The following CCNH variants were observed in gnomAD, a reference collection of about 807,000 sequenced individuals.
CCNH encodes cyclin-H.
CCNH carries 31 observed loss-of-function variants against 41.9 expected under a neutral mutation model. The ratio of observed to expected loss-of-function variants is 0.74; its 90% confidence interval spans 0.56 to 1.00. The LOEUF (loss-of-function observed/expected upper bound fraction) is 1.00, where lower values mean the gene tolerates loss of function less well. Among genes scored for constraint, CCNH ranks in the 50% least tolerant of loss-of-function variants. The pLI, the probability that CCNH is intolerant of heterozygous loss-of-function variation, is 0.00. For missense variants in CCNH, 362 were observed against 388.4 expected, an observed-to-expected ratio of 0.93 and a Z score of 0.57; for synonymous variants, 138 against 136.1, an observed-to-expected ratio of 1.01 and a Z score of -0.10.
chr5:87,375,046 T>A (rs1761228264), downstream of CCNH: 2 of 1,220,072 alleles, frequency 1.6e-6, no homozygotes, highest in African/African-American at 3.1e-5. Context: ...GATAGTTTCT[T>A]TCTGTACTTC....
At chr5:87,317,845 A>G (rs572555528), downstream of CCNH, among the ~76,000 whole-genome samples, 17 of 152,214 alleles carry the variant, frequency 1.1e-4, no homozygotes, top group African/African-American at 4.1e-4. Flanking sequence ...CATGTTGCCC[A>G]GGCTGGTCTT....
At position 87,332,487 on chromosome 5, in the gene CCNH, A is replaced by G. The variant is rs992950713; in HGVS notation, c.*91-13590T>C. On this transcript the variant is annotated intron_variant and NMD_transcript_variant, in intron 9 of 9. Transcript: ENST00000645953. ...GGCTGTAAAGATTTTTTTATACTGT[A>G]TTTTTTCCTGTTCAAATAGGATTAT... 7.5e-6 allele frequency: 12 copies of G among 1,597,016 alleles called. No homozygotes were observed. The highest frequency in any genetic ancestry group is 9.4e-6 in the Non-Finnish European group (11 of 1,166,744).
chr5:87,344,937 A>T (rs1166864499), intron 9 of CCNH, among the ~76,000 whole-genome samples: 1 of 151,852 alleles, frequency 6.6e-6, no homozygotes, highest in Non-Finnish European at 1.5e-5. Context: ...TACACACTCA[A>T]CAGTATTGGT....
chr5:87,337,947 T>C (rs369797266), intron 9 of CCNH: 68 of 1,577,942 alleles, frequency 4.3e-5, no homozygotes, highest in Non-Finnish European at 5.7e-5. Flanking sequence ...TTTTTAAATT[T>C]AATAACTTTA....
downstream of CCNH, chr5:87,374,963 AT>A: frequency 6.4e-7 from 1 of 1,567,748 alleles, no homozygotes; most frequent in Non-Finnish European, 8.6e-7. Context: ...CATGTTTTAT[AT>A]ACTTTCAAAA....
intron 8 of CCNH, chr5:87,394,750 AG>A: frequency 1.5e-6 from 2 of 1,327,796 alleles, no homozygotes; most frequent in Non-Finnish European, 9.6e-7. Flanking sequence ...TTTTTTTAAA[AG>A]GGGGTAAGGG....
chr5:87,340,328 C>A (rs888618570), intron 9 of CCNH, among the ~76,000 whole-genome samples: 4 of 152,062 alleles, frequency 2.6e-5, no homozygotes, highest in Non-Finnish European at 5.9e-5. Context: ...TTCTGTTACA[C>A]TGTCTAAAAT....
intron 9 of CCNH, among the ~76,000 whole-genome samples, chr5:87,346,280 T>C (rs373213386): frequency 1.3e-5 from 2 of 152,010 alleles, no homozygotes; most frequent in African/African-American, 2.4e-5. Context: ...TCAGATGTTA[T>C]AGGAAAATTC....
intron 9 of CCNH, among the ~76,000 whole-genome samples, chr5:87,347,834 T>C (rs1368313992): frequency 6.6e-6 from 1 of 152,044 alleles, no homozygotes; most frequent in Non-Finnish European, 1.5e-5. Flanking sequence ...TTAGTGAATT[T>C]ATTGAATTTT....
downstream of CCNH, among the ~76,000 whole-genome samples, chr5:87,316,234 T>C (rs1356275261): frequency 2.0e-5 from 3 of 152,208 alleles, no homozygotes; most frequent in Admixed American, 6.5e-5. Flanking sequence ...CCCTCTAAGA[T>C]GTTCTTGCTA....
chr5:87,379,875 C>T (rs1475721376), upstream of CCNH: 3 of 1,604,202 alleles, frequency 1.9e-6, no homozygotes, highest in East Asian at 2.2e-5. Flanking sequence ...TTTCATTTGA[C>T]AAGAAATTGT....
chr5:87,408,162 G>A lies in CCNH; in HGVS notation c.339C>T (p.Cys113=). Residue 113 remains cysteine (C), a synonymous_variant, in exon 4 of 9, where the codon TGC becomes TGT. Coordinates refer to ENST00000256897, the MANE Select transcript of CCNH (RefSeq NM_001239.4). ...TAGATACATTGAATTCATCTACTTT[G>A]CAGGCCAAAAATGCACAAGTGAGCC... ...IIMLTCAFLA[C]KVDEFNVSSP... The A allele has an allele frequency of 6.3e-7, 1 of 1,599,338 alleles. No individual in the cohort carries two copies. The highest frequency in any genetic ancestry group is 8.5e-7 in the Non-Finnish European group (1 of 1,171,724).
At chr5:87,313,182 G>C in the CCNH span, among the ~76,000 whole-genome samples, 3 of 152,164 alleles carry the variant, frequency 2.0e-5, no homozygotes, top group African/African-American at 7.2e-5. Context: ...TTTTTGATGT[G>C]ATCAAATGGC....
chr5:87,362,993 C>T (rs758987406), intron 9 of CCNH, among the ~76,000 whole-genome samples: 13 of 150,968 alleles, frequency 8.6e-5, no homozygotes, highest in Non-Finnish European at 1.8e-4. Context: ...GACATAACGA[C>T]ATTTTGGGGA....
intron 9 of CCNH, chr5:87,346,586 A>T (rs1758877086): frequency 1.3e-6 from 1 of 777,334 alleles, no homozygotes; most frequent in African/African-American, 1.8e-5. Flanking sequence ...TTTGAATTAA[A>T]CTTACTATAT....
intron 9 of CCNH, among the ~76,000 whole-genome samples, chr5:87,332,805 G>GA (rs201803930): frequency 8.1e-5 from 12 of 148,510 alleles, no homozygotes; most frequent in African/African-American, 1.5e-4. Flanking sequence ...CAACTTCTTT[G>GA]AAAAAAAAAG....
intron 9 of CCNH, among the ~76,000 whole-genome samples, chr5:87,319,996 C>G (rs1399185961): frequency 6.6e-6 from 1 of 152,188 alleles, no homozygotes; most frequent in Non-Finnish European, 1.5e-5. Context: ...TTAGAAATTT[C>G]TTCTGCCAGG....
exon 1 of CCNH, chr5:87,376,427 A>C: frequency 6.2e-7 from 1 of 1,614,040 alleles, no homozygotes. Context: ...GATTACAGAA[A>C]GGGCATGCCA....
chr5:87,311,719 T>C, the CCNH span, among the ~76,000 whole-genome samples: 2 of 152,188 alleles, frequency 1.3e-5, no homozygotes, highest in African/African-American at 4.8e-5. Context: ...TGGGTATCTT[T>C]CATGAAGGTC....
Sources: gnomAD v4.1 joint callset for allele counts (sites outside exome capture counted in the v4.1 genomes callset) on GRCh38, gnomAD v4.1.1 for gene constraint, MANE v1.5 for transcripts, NCBI Gene and HGNC (gene_info 2026-07-23, HGNC 2026-07-21) for gene names.